Variants in ARHGEF7 observed in about 807,000 individuals in gnomAD.
The protein encoded by ARHGEF7 is Rho guanine nucleotide exchange factor 7.
ARHGEF7 carries 33 observed loss-of-function variants against 109.8 expected under a neutral mutation model. The ratio of observed to expected loss-of-function variants is 0.30; its 90% confidence interval spans 0.23 to 0.40. The LOEUF is 0.40. Ranked by LOEUF, ARHGEF7 falls within the 10% of genes least tolerant of loss-of-function variation. The probability of loss-of-function intolerance (pLI) is 1.00; values close to 1 mark genes in which losing one functional copy is unlikely to be tolerated. For synonymous variants in ARHGEF7, 458 were observed against 424.6 expected (o/e 1.08, Z -0.97); for missense variants, 938 against 1,098.5 (o/e 0.85, Z 2.07).
intron 18 of ARHGEF7, among the ~76,000 whole-genome samples, chr13:111,291,542 A>G (rs1012097849): frequency 5.9e-5 from 9 of 152,246 alleles, no homozygotes; most frequent in Non-Finnish European, 1.3e-4. Flanking sequence ...GTGGTTATTG[A>G]TTGATCAGGT....
chr13:111,205,161 C>G (rs1159217567), intron 2 of ARHGEF7, 128 bp from the exon 3 acceptor site: 4 of 640,056 alleles, frequency 6.2e-6, no homozygotes, highest in Non-Finnish European at 1.1e-5. Context: ...TGCTGGTCTC[C>G]CTGTCGCAGG....
At position 111,224,504 on chromosome 13, in the gene ARHGEF7, T is replaced by C. The variant is rs1424259706; in HGVS notation, c.670+6624T>C. ...TCTCCTATTTCTGGACAGCTTATTA[T>C]CTGTTGTAAAGACATTTCTTTTAAA... On this transcript the variant is annotated intron_variant, in intron 5 of 21. Coordinates refer to ENST00000646102, the MANE Select transcript of ARHGEF7 (RefSeq NM_001354046.2). Among the ~76,000 whole-genome samples, 3 of 152,342 alleles carry C rather than the reference T, an allele frequency of 2.0e-5. No homozygotes were observed. The East Asian group carries it at 5.8e-4, about 29-fold the overall frequency.
rs199787085 is a variant in ARHGEF7 at position 111,292,198 on chromosome 13, A to T, written c.2215A>T (p.Ser739Cys). The T allele has an allele frequency of 6.2e-7, 1 of 1,614,144 alleles. No individual in the cohort carries two copies. The highest frequency in any genetic ancestry group is 8.5e-7 in the Non-Finnish European group (1 of 1,180,022). Reference sequence around the variant, plus strand: ...AAGCCTAGACTCCCTGGGGCGTCGCAGTAGCCTTTCTCGTTTGGAGCCTTC... The same window carrying T: ...AAGCCTAGACTCCCTGGGGCGTCGCTGTAGCCTTTCTCGTTTGGAGCCTTC... ...QPSLDSLGRR[S>C]SLSRLEPSDL... is the part of the protein sequence containing the mutation. The change falls in exon 19 of 22, where the codon AGT (serine) becomes TGT (cysteine). Residue 739 changes from serine to cysteine, a missense_variant. This residue lies in a region of ARHGEF7 where 166 missense variants were observed against 167.3 expected (regional missense o/e 0.99). Transcript: ENST00000646102.
Position 111,273,877 on chromosome 13 carries a change from C to G in ARHGEF7, c.1137C>G (p.Thr379=). The G allele has an allele frequency of 1.2e-6, 2 of 1,614,138 alleles. No individual in the cohort carries two copies. The highest frequency in any genetic ancestry group is 8.5e-7 in the Non-Finnish European group (1 of 1,180,032). Residue 379 remains threonine (T), a synonymous_variant, in exon 10 of 22, where the codon ACC becomes ACG. Coordinates refer to ENST00000646102, the MANE Select transcript of ARHGEF7 (RefSeq NM_001354046.2). This position sits in a 1 kb window ranked among gnomAD's most constrained non-coding sequence, Gnocchi z 4.5. ...GCAGCCCTGGGATTCTCGTGCTGAC[C>G]ACGGGCCTGAGCAAACCCTTCATGC... is the stretch of plus-strand genomic sequence containing the variant. ...GASSPGILVL[T]TGLSKPFMRL...
At chr13:111,225,886 A>G (rs1217758924) in intron 5 of ARHGEF7, among the ~76,000 whole-genome samples, 1 of 152,230 alleles carries the variant, frequency 6.6e-6, no homozygotes, top group Non-Finnish European at 1.5e-5. Flanking sequence ...AAGTGTTCAA[A>G]TGAAAGGAAG....
chr13:111,261,585 C>T (rs2091096650), intron 8 of ARHGEF7, among the ~76,000 whole-genome samples: 1 of 152,190 alleles, frequency 6.6e-6, no homozygotes, highest in Admixed American at 6.5e-5. Context: ...TTGACTTTAT[C>T]TGTACTTTAG....
chr13:111,129,755 C>T (rs990376739), intron 1 of ARHGEF7, among the ~76,000 whole-genome samples: 5 of 152,222 alleles, frequency 3.3e-5, no homozygotes, highest in African/African-American at 1.2e-4. Context: ...AGGGAACCAG[C>T]ACTCTCATGC....
At chr13:111,265,197 G>A (rs2091509750) in intron 8 of ARHGEF7, among the ~76,000 whole-genome samples, 1 of 152,004 alleles carries the variant, frequency 6.6e-6, no homozygotes, top group Non-Finnish European at 1.5e-5. Flanking sequence ...GAAAACGGTG[G>A]GTGGTGGGAT....
chr13:111,173,655 G>A (rs1402139289), intron 2 of ARHGEF7, among the ~76,000 whole-genome samples: 2 of 152,252 alleles, frequency 1.3e-5, no homozygotes. Flanking sequence ...TGGATGTGCT[G>A]TTAGGGTCAG....
At chr13:111,126,906 A>C (rs570631227) in intron 1 of ARHGEF7, among the ~76,000 whole-genome samples, 19 of 152,336 alleles carry the variant, frequency 1.2e-4, no homozygotes, top group Non-Finnish European at 2.6e-4. Flanking sequence ...AATTAAACTC[A>C]AATTAAGTAG....
At chr13:111,136,497 G>A (rs2075095421) in intron 1 of ARHGEF7, among the ~76,000 whole-genome samples, 1 of 152,124 alleles carries the variant, frequency 6.6e-6, no homozygotes, top group African/African-American at 2.4e-5. Flanking sequence ...AATGACTACT[G>A]GGTACATAAC....
chr13:111,240,598 G>A (rs1318184347), intron 6 of ARHGEF7, among the ~76,000 whole-genome samples: 1 of 152,168 alleles, frequency 6.6e-6, no homozygotes, highest in Non-Finnish European at 1.5e-5. Context: ...ATTGTGTGGT[G>A]AACTACTGTC....
intron 1 of ARHGEF7, among the ~76,000 whole-genome samples, chr13:111,124,535 G>A (rs1449253918): frequency 2.0e-5 from 3 of 152,240 alleles, no homozygotes; most frequent in East Asian, 3.9e-4. Flanking sequence ...AATAAGCCTC[G>A]GACCCCTGCA....
chr13:111,181,730 G>A (rs2078750775), intron 2 of ARHGEF7, among the ~76,000 whole-genome samples: 1 of 152,130 alleles, frequency 6.6e-6, no homozygotes. Context: ...ACCTGAATAG[G>A]GGGCAGCAGC....
chr13:111,247,413 C>T (rs9588386), intron 8 of ARHGEF7, among the ~76,000 whole-genome samples: 18,958 of 151,990 alleles, frequency 0.12, 1,183 homozygotes, highest in South Asian at 0.22. Flanking sequence ...GGATTACAGG[C>T]GTGCGCCACC....
intron 19 of ARHGEF7, chr13:111,294,721 C>T (rs756486174): frequency 6.1e-6 from 6 of 985,430 alleles, no homozygotes; most frequent in Non-Finnish European, 7.2e-6. Flanking sequence ...TGTGGGACTT[C>T]AGTCATGCTG....
At chr13:111,267,735 T>A (rs1391276527) in intron 9 of ARHGEF7, 65 bp downstream of exon 9, 3 of 1,575,622 alleles carry the variant, frequency 1.9e-6, no homozygotes, top group Non-Finnish European at 2.6e-6. Context: ...AAATAGTGCA[T>A]GAAATAGTAT....
chr13:111,213,635 G>T (rs1040667280), intron 4 of ARHGEF7, among the ~76,000 whole-genome samples: 1 of 152,080 alleles, frequency 6.6e-6, no homozygotes, highest in Admixed American at 6.5e-5. Context: ...CGACTGGCTT[G>T]TTTTTCTCAA....
chr13:111,205,536 C>T (rs2081721169), intron 3 of ARHGEF7, among the ~76,000 whole-genome samples, 163 bp downstream of exon 3: 1 of 152,050 alleles, frequency 6.6e-6, no homozygotes, highest in Non-Finnish European at 1.5e-5. Flanking sequence ...ATTTTATTTG[C>T]CTTGTTAGAA....
Sources: allele counts gnomAD v4.1 joint callset (sites outside exome capture counted in the v4.1 genomes callset), GRCh38; gene constraint gnomAD v4.1.1; regional missense constraint gnomAD v4.1.1; non-coding constraint Gnocchi (gnomAD v3.1); transcripts MANE v1.5; gene names NCBI Gene and HGNC (gene_info 2026-07-23, HGNC 2026-07-21).